Variants in ARHGAP24 observed in about 807,000 individuals in gnomAD.
ARHGAP24 encodes rho GTPase-activating protein 24.
A neutral mutation model predicts 76.4 loss-of-function variants in ARHGAP24; 50 were observed. The observed-to-expected ratio is 0.65, with a 90% CI of 0.52 to 0.83. The LOEUF is 0.83. Ranked by LOEUF, ARHGAP24 falls within the 40% of genes least tolerant of loss-of-function variation. The pLI, the probability that ARHGAP24 is intolerant of heterozygous loss-of-function variation, is 0.00. For missense variants in ARHGAP24, 930 were observed against 914.2 expected (o/e 1.02, Z -0.22); for synonymous variants, 345 against 323.3 (o/e 1.07, Z -0.72).
chr4:85,909,741 G>T (rs1184744235), intron 3 of ARHGAP24, among the ~76,000 whole-genome samples: 2 of 152,166 alleles, frequency 1.3e-5, no homozygotes, highest in African/African-American at 2.4e-5. Context: ...CTATCAGCAG[G>T]AAAGATCAAA....
intron 2 of ARHGAP24, among the ~76,000 whole-genome samples, chr4:85,597,973 A>T (rs955854365): frequency 3.9e-5 from 6 of 152,116 alleles, no homozygotes; most frequent in Admixed American, 2.0e-4. Flanking sequence ...TACAATTCAG[A>T]TGACACTTGG....
chr4:85,570,767 G>T (rs750813763), intron 2 of ARHGAP24, 46 bp downstream of exon 2: 2 of 1,603,632 alleles, frequency 1.2e-6, no homozygotes, highest in Non-Finnish European at 1.7e-6. Flanking sequence ...AGAAAGCCAA[G>T]AAATAGAGGG....
At chr4:85,808,800 T>C (rs1728895715) in intron 3 of ARHGAP24, among the ~76,000 whole-genome samples, 1 of 151,216 alleles carries the variant, frequency 6.6e-6, no homozygotes, top group Non-Finnish European at 1.5e-5. Context: ...GCTTTAATTA[T>C]AAAAGAAAAT....
At chr4:85,484,690 C>T (rs1007766812) in intron 1 of ARHGAP24, among the ~76,000 whole-genome samples, 1 of 152,132 alleles carries the variant, frequency 6.6e-6, no homozygotes, top group Non-Finnish European at 1.5e-5. Flanking sequence ...CATCTCGGCT[C>T]ACGGCAAATT....
At chr4:85,553,410 T>G (rs929853102) in intron 1 of ARHGAP24, among the ~76,000 whole-genome samples, 1 of 152,176 alleles carries the variant, frequency 6.6e-6, no homozygotes, top group Non-Finnish European at 1.5e-5. Flanking sequence ...TACATAGTGC[T>G]GATTGGTCCG....
At chr4:85,844,275 G>A (rs182860613) in intron 3 of ARHGAP24, among the ~76,000 whole-genome samples, 158 of 152,264 alleles carry the variant, frequency 1.0e-3, no homozygotes, top group South Asian at 3.1e-3. Context: ...TCTCCAATAG[G>A]ATCCATTAGC....
intron 4 of ARHGAP24, chr4:85,930,471 AG>A (rs1560725138): frequency 1.0e-6 from 1 of 991,022 alleles, no homozygotes; most frequent in Non-Finnish European, 1.2e-6. Context: ...AATATTCCTC[AG>A]GGGACTTTTT....
At chr4:85,527,966 G>A (rs1023682696) in intron 1 of ARHGAP24, among the ~76,000 whole-genome samples, 4 of 152,050 alleles carry the variant, frequency 2.6e-5, no homozygotes, top group Admixed American at 2.0e-4. Flanking sequence ...GAACATAAGT[G>A]AATCTGGAAT....
chr4:85,608,976 T>C (rs1720296525), intron 2 of ARHGAP24, among the ~76,000 whole-genome samples: 1 of 152,216 alleles, frequency 6.6e-6, no homozygotes, highest in African/African-American at 2.4e-5. Context: ...ACCTACTCCC[T>C]GTGTGACCTT....
chr4:85,653,573 A>G (rs1722026971), intron 2 of ARHGAP24, among the ~76,000 whole-genome samples: 1 of 152,060 alleles, frequency 6.6e-6, no homozygotes, highest in Non-Finnish European at 1.5e-5. Context: ...TCCCAGATTC[A>G]AGCGGTTCTC....
intron 4 of ARHGAP24, among the ~76,000 whole-genome samples, chr4:85,937,259 G>A (rs957901621): frequency 3.9e-5 from 6 of 152,172 alleles, no homozygotes; most frequent in African/African-American, 1.2e-4. Context: ...GAAGAGGAAT[G>A]TAGGTTGATT....
At chr4:85,917,971 C>G (rs1735516168) in intron 3 of ARHGAP24, among the ~76,000 whole-genome samples, 1 of 152,012 alleles carries the variant, frequency 6.6e-6, no homozygotes, top group African/African-American at 2.4e-5. Context: ...TCCTAGTTAC[C>G]TGACGTAGTC....
chr4:85,579,448 A>G (rs2109970370), intron 2 of ARHGAP24, among the ~76,000 whole-genome samples: 1 of 149,090 alleles, frequency 6.7e-6, no homozygotes, highest in African/African-American at 2.5e-5. Context: ...TTTGCCCTTG[A>G]TATATTAAAT....
intron 3 of ARHGAP24, among the ~76,000 whole-genome samples, chr4:85,839,367 C>T (rs1487908427): frequency 6.6e-6 from 1 of 152,172 alleles, no homozygotes; most frequent in Non-Finnish European, 1.5e-5. Flanking sequence ...AACTTGAATT[C>T]TTAATAACTG....
chr4:85,649,958 A>T (rs1307331928), intron 2 of ARHGAP24, among the ~76,000 whole-genome samples: 1 of 152,158 alleles, frequency 6.6e-6, no homozygotes, highest in African/African-American at 2.4e-5. Flanking sequence ...CAAGGTAGTC[A>T]TAAGGTCATA....
At chr4:85,806,473 A>G (rs1042658872) in intron 3 of ARHGAP24, among the ~76,000 whole-genome samples, 1 of 152,206 alleles carries the variant, frequency 6.6e-6, no homozygotes, top group African/African-American at 2.4e-5. Context: ...TACACATTCT[A>G]CTTCTAAGGG....
chr4:85,542,755 G>T (rs1354017124), intron 1 of ARHGAP24, among the ~76,000 whole-genome samples: 1 of 152,190 alleles, frequency 6.6e-6, no homozygotes, highest in Non-Finnish European at 1.5e-5. Context: ...ATAGGTAATT[G>T]AGAGACATAT....
At chr4:85,841,818 A>G (rs1200823521) in intron 3 of ARHGAP24, among the ~76,000 whole-genome samples, 1 of 152,240 alleles carries the variant, frequency 6.6e-6, no homozygotes, top group Non-Finnish European at 1.5e-5. Context: ...GGTGGTCTAT[A>G]AAATTCATCA....
At chr4:85,495,094 CAAAAAA>C (rs77619824) in intron 1 of ARHGAP24, among the ~76,000 whole-genome samples, 4 of 70,634 alleles carry the variant, frequency 5.7e-5, no homozygotes, top group Admixed American at 1.4e-4. Flanking sequence ...GACTCCGTCT[CAAAAAA>C]AAAAAAAAAA....
Sources: gnomAD v4.1 joint callset for allele counts (sites outside exome capture counted in the v4.1 genomes callset) on GRCh38, gnomAD v4.1.1 for gene constraint, MANE v1.5 for transcripts, NCBI Gene and HGNC (gene_info 2026-07-23, HGNC 2026-07-21) for gene names.